The following TENM2 variants were observed in gnomAD, a reference collection of about 807,000 sequenced individuals.
TENM2 encodes the protein teneurin transmembrane protein 2.
A neutral mutation model predicts 245.2 loss-of-function variants in TENM2; 52 were observed. The observed-to-expected ratio is 0.21, with a 90% CI of 0.17 to 0.27. The LOEUF (loss-of-function observed/expected upper bound fraction) is 0.27, where lower values mean the gene tolerates loss of function less well. Among genes scored for constraint, TENM2 ranks in the 10% least tolerant of loss-of-function variants. The pLI, the probability that TENM2 is intolerant of heterozygous loss-of-function variation, is 1.00. For synonymous variants in TENM2, 1,363 were observed against 1,438.9 expected (o/e 0.95, Z 1.19); for missense variants, 3,046 against 3,666.8 (o/e 0.83, Z 4.37).
At chr5:167,584,140 G>A (rs1775310025) in intron 2 of TENM2, among the ~76,000 whole-genome samples, 1 of 152,140 alleles carries the variant, frequency 6.6e-6, no homozygotes, top group African/African-American at 2.4e-5. Context: ...TGTTCTTGGC[G>A]TTTTAAACAA....
chr5:167,004,158 A>G, the TENM2 span, among the ~76,000 whole-genome samples: 1 of 152,228 alleles, frequency 6.6e-6, no homozygotes, highest in African/African-American at 2.4e-5. Context: ...CCATCATAAT[A>G]GATCCAGTTT....
chr5:166,983,607 A>G, the TENM2 span, among the ~76,000 whole-genome samples: 1 of 152,158 alleles, frequency 6.6e-6, no homozygotes, highest in Admixed American at 6.6e-5. Context: ...TTTCTACTGA[A>G]CAATAGGAAT....
At chr5:167,445,293 T>A (rs2127465096) in intron 2 of TENM2, among the ~76,000 whole-genome samples, 1 of 139,022 alleles carries the variant, frequency 7.2e-6, no homozygotes, top group East Asian at 2.1e-4. Flanking sequence ...TATGTCAGGC[T>A]TATTATAAAC....
intron 2 of TENM2, among the ~76,000 whole-genome samples, chr5:167,844,106 A>C (rs1769809836): frequency 6.6e-6 from 1 of 152,208 alleles, no homozygotes; most frequent in African/African-American, 2.4e-5. Context: ...TTTAGTTATG[A>C]CTTATGACTC....
chr5:167,865,891 T>A (rs1013928289), intron 2 of TENM2, among the ~76,000 whole-genome samples: 12 of 152,226 alleles, frequency 7.9e-5, no homozygotes, highest in Admixed American at 6.5e-5. Context: ...GTGAATGCCA[T>A]GAGTAGTTGA....
the TENM2 span, among the ~76,000 whole-genome samples, chr5:167,226,566 A>T: frequency 6.6e-6 from 1 of 151,886 alleles, no homozygotes. Context: ...TGGGAGATTT[A>T]AAAAAATTTG....
intron 12 of TENM2, chr5:168,139,623 T>C (rs1249165783): frequency 2.2e-6 from 1 of 454,304 alleles, no homozygotes; most frequent in East Asian, 7.0e-5. Flanking sequence ...ATTAAGTATC[T>C]GTGTTGATTC....
intron 2 of TENM2, among the ~76,000 whole-genome samples, chr5:167,605,899 G>T (rs1256844382): frequency 6.6e-6 from 1 of 152,164 alleles, no homozygotes; most frequent in Non-Finnish European, 1.5e-5. Flanking sequence ...AGAAGAGTCT[G>T]GTTCCCAGGT....
chr5:167,844,948 C>T (rs1434261629), intron 2 of TENM2, among the ~76,000 whole-genome samples: 1 of 151,734 alleles, frequency 6.6e-6, no homozygotes, highest in East Asian at 1.9e-4. Flanking sequence ...TAATATCCTC[C>T]TCCCTCTCTC....
chr5:167,627,513 G>A (rs1330266659), intron 2 of TENM2, among the ~76,000 whole-genome samples: 1 of 151,760 alleles, frequency 6.6e-6, no homozygotes, highest in East Asian at 1.9e-4. Context: ...ATAAATACAA[G>A]GCTTTGATTC....
intron 2 of TENM2, among the ~76,000 whole-genome samples, chr5:167,584,938 C>T (rs866718122): frequency 2.0e-5 from 3 of 152,174 alleles, no homozygotes; most frequent in African/African-American, 7.2e-5. Flanking sequence ...GTGTGTCTAG[C>T]TTATCTGCTG....
chr5:168,248,860 C>A (rs1467462353), intron 27 of TENM2, among the ~76,000 whole-genome samples: 1 of 152,152 alleles, frequency 6.6e-6, no homozygotes, highest in Non-Finnish European at 1.5e-5. Flanking sequence ...ATGCCACCCA[C>A]GTAATCCCAG....
At chr5:167,180,854 G>C in the TENM2 span, among the ~76,000 whole-genome samples, 1 of 151,834 alleles carries the variant, frequency 6.6e-6, no homozygotes, top group African/African-American at 2.4e-5. Flanking sequence ...GGACAAGTGG[G>C]TCTTGCTGCC....
intron 5 of TENM2, among the ~76,000 whole-genome samples, chr5:168,003,196 A>G (rs1223348180): frequency 1.3e-5 from 2 of 152,158 alleles, no homozygotes; most frequent in Non-Finnish European, 2.9e-5. Flanking sequence ...GGTCTAACCA[A>G]TGTACAATAA....
chr5:167,194,542 G>T, the TENM2 span, among the ~76,000 whole-genome samples: 2 of 151,974 alleles, frequency 1.3e-5, no homozygotes, highest in Non-Finnish European at 2.9e-5. Flanking sequence ...AGATTTTCAT[G>T]TGAGGCACCT....
intron 6 of TENM2, among the ~76,000 whole-genome samples, chr5:168,060,159 T>G (rs1183306918): frequency 6.7e-6 from 1 of 149,720 alleles, no homozygotes; most frequent in Non-Finnish European, 1.5e-5. Flanking sequence ...AGGCCAAAGC[T>G]GGAGAATCAC....
chr5:167,344,538 G>T (rs1758345114), intron 1 of TENM2, among the ~76,000 whole-genome samples: 1 of 152,020 alleles, frequency 6.6e-6, no homozygotes, highest in South Asian at 2.1e-4. Flanking sequence ...TAACTAGGCT[G>T]CTTTTGATGA....
chr5:167,919,378 G>A (rs1275013336), intron 3 of TENM2, among the ~76,000 whole-genome samples: 2 of 152,164 alleles, frequency 1.3e-5, no homozygotes, highest in African/African-American at 2.4e-5. Context: ...TGCAGAAACC[G>A]CTGAATGCAG....
At chr5:168,207,352 C>T (rs1031925218) in intron 19 of TENM2, among the ~76,000 whole-genome samples, 6 of 152,160 alleles carry the variant, frequency 3.9e-5, no homozygotes, top group African/African-American at 7.2e-5. Flanking sequence ...GAGGCCACAA[C>T]GTCAATGGTG....
Sources: gnomAD v4.1 joint callset for allele counts (sites outside exome capture counted in the v4.1 genomes callset) on GRCh38, gnomAD v4.1.1 for gene constraint, MANE v1.5 for transcripts, NCBI Gene and HGNC (gene_info 2026-07-23, HGNC 2026-07-21) for gene names.